The following KIF2A variants were observed in gnomAD, a reference collection of about 807,000 sequenced individuals.
KIF2A encodes kinesin family member 2A.
A neutral mutation model predicts 100.2 loss-of-function variants in KIF2A; 22 were observed. That is an observed-to-expected ratio of 0.22 (90% CI 0.16 to 0.31). The LOEUF (loss-of-function observed/expected upper bound fraction) is 0.31. Ranked by LOEUF, KIF2A falls within the 10% of genes least tolerant of loss-of-function variation. The pLI is 1.00. For missense variants in KIF2A, 495 were observed against 898.7 expected, an observed-to-expected ratio of 0.55 and a Z score of 5.74; for synonymous variants, 268 against 285.9, an observed-to-expected ratio of 0.94 and a Z score of 0.63.
At chr5:62,371,200 G>T (rs1741310099) in intron 16 of KIF2A, among the ~76,000 whole-genome samples, 1 of 152,116 alleles carries the variant, frequency 6.6e-6, no homozygotes, top group African/African-American at 2.4e-5. Flanking sequence ...GCTGCAATGA[G>T]CCATGACTGA....
At chr5:62,330,804 A>G (rs1486087248) in intron 1 of KIF2A, among the ~76,000 whole-genome samples, 3 of 152,160 alleles carry the variant, frequency 2.0e-5, no homozygotes, top group South Asian at 4.1e-4. Context: ...TAGACACACT[A>G]TATATTTTAA....
intron 1 of KIF2A, among the ~76,000 whole-genome samples, chr5:62,312,802 T>C (rs1206413849): frequency 6.6e-6 from 1 of 152,172 alleles, no homozygotes; most frequent in African/African-American, 2.4e-5. Context: ...AGGCTGAGCA[T>C]GGTAGTTCAT....
chr5:62,353,231 T>TA, intron 5 of KIF2A, 44 bp from the exon 6 acceptor site: 1 of 1,196,648 alleles, frequency 8.4e-7, no homozygotes. Flanking sequence ...ATTAGTACTC[T>TA]AAAAAAGAAA....
In KIF2A at chr5:62,310,070, CT is replaced by C. The variant is rs5868308; in HGVS notation, c.64+3551del. Among the ~76,000 whole-genome samples, 861 of 142,776 alleles carry C rather than the reference CT, an allele frequency of 6.0e-3. 4 individuals carry two copies. The highest frequency in any genetic ancestry group is 0.011 in the Middle Eastern group (3 of 262). The allele number at this position is 142,776 out of a possible 152,430, so 93.7% of individuals were successfully genotyped here. ...TGGGACTTACTAATAACTAATAATT[CT>C]TTTTTTTTTTTTTTTTGAGACAGAG... On this transcript the variant is annotated intron_variant, in intron 1 of 20. Coordinates refer to ENST00000407818, the MANE Select transcript of KIF2A (RefSeq NM_001098511.3).
At chr5:62,341,453 A>C (rs1747286913) in intron 1 of KIF2A, among the ~76,000 whole-genome samples, 1 of 150,554 alleles carries the variant, frequency 6.6e-6, no homozygotes, top group Non-Finnish European at 1.5e-5. Flanking sequence ...GGTGGACACC[A>C]CCATGCCCTG....
chr5:62,348,402 T>C (rs553818858), intron 3 of KIF2A, among the ~76,000 whole-genome samples: 1 of 152,334 alleles, frequency 6.6e-6, no homozygotes. Flanking sequence ...AATTAGTATT[T>C]TTCCTGAGAC....
intron 1 of KIF2A, among the ~76,000 whole-genome samples, chr5:62,327,634 A>C (rs1240964695): frequency 6.6e-6 from 1 of 152,242 alleles, no homozygotes; most frequent in Non-Finnish European, 1.5e-5. Flanking sequence ...ATGGAGCTTC[A>C]GTGATCTCAT....
In KIF2A at chr5:62,389,673, C is replaced by CA. The variant is rs1742208474; in HGVS notation, c.*4106dup. 2.0e-5 allele frequency among the ~76,000 whole-genome samples: 3 copies of CA among 152,044 alleles called. No homozygotes were observed. The highest frequency in any genetic ancestry group is 7.3e-5 in the African/African-American group (3 of 41,374). ...TGGCATTTGTTTCAAGGTAACTGAA[C>CA]AAGAAGCTGTTTGGAATTGGCAGAA... On this transcript the variant is annotated 3_prime_UTR_variant, in exon 21 of 21. Transcript: ENST00000407818.
At chr5:62,364,393 A>C (rs1580080473) in intron 14 of KIF2A, among the ~76,000 whole-genome samples, 1 of 151,878 alleles carries the variant, frequency 6.6e-6, no homozygotes, top group African/African-American at 2.4e-5. Context: ...TGATCTACCC[A>C]CCTCAGCCTT....
rs200992864 is a variant in KIF2A at position 62,385,906 on chromosome 5, AT to A, written c.*340del. The stretch of plus-strand genomic sequence containing the variant: ...CCAGATAGTAGGGGGAAGCCACAGC[AT>A]TTCCTTTTAACTCAGTTCAATTTTT... On this transcript the variant is annotated 3_prime_UTR_variant, in exon 21 of 21. Coordinates refer to ENST00000407818, the MANE Select transcript of KIF2A (RefSeq NM_001098511.3). The A allele has an allele frequency of 9.6e-3, 2,597 of 270,060 alleles. 20 individuals carry two copies. Among genetic ancestry groups the A allele is most frequent in the South Asian group, 0.013 (239 of 18,740 alleles). 16.7% of individuals were successfully genotyped at this position (270,060 alleles called of 1,614,324 possible).
chr5:62,383,229 ATTTTTTTTTT>A lies in KIF2A; in HGVS notation c.2149+1998_2149+2007del, dbSNP rs70977902. Among the ~76,000 whole-genome samples the A allele has an allele frequency of 2.8e-4, 11 of 39,100 alleles. No individual in the cohort carries two copies. The East Asian group carries it at 4.5e-3, about 16-fold the overall frequency. 25.7% of individuals were successfully genotyped at this position (39,100 alleles called of 152,430 possible). A position where few individuals can be genotyped will look rare whatever the true frequency, so the allele number is the denominator to read the frequency against. ...GGCATGAGCCACCATGCCTGGCCAGATTTTTTTTTTTTTTTTTTTTTTTTTTTTTTTGAGA... is the reference window on the plus strand; with the variant it reads ...GGCATGAGCCACCATGCCTGGCCAGATTTTTTTTTTTTTTTTTTTTTGAGA... On this transcript the variant is annotated intron_variant, in intron 20 of 20. Coordinates refer to ENST00000407818, the MANE Select transcript of KIF2A (RefSeq NM_001098511.3).
intron 16 of KIF2A, among the ~76,000 whole-genome samples, chr5:62,370,886 G>T (rs1281352477): frequency 1.3e-5 from 2 of 152,150 alleles, no homozygotes; most frequent in Admixed American, 1.3e-4. Context: ...AGGAAAAAAT[G>T]TGTGGATGAA....
chr5:62,373,222 A>G (rs1741394289), intron 17 of KIF2A, among the ~76,000 whole-genome samples: 1 of 152,074 alleles, frequency 6.6e-6, no homozygotes, highest in Non-Finnish European at 1.5e-5. Flanking sequence ...TTAATTGAGC[A>G]TGATAACTAC....
chr5:62,353,095 A>C (rs975294705), intron 5 of KIF2A, 180 bp from the exon 6 acceptor site: 7 of 490,262 alleles, frequency 1.4e-5, no homozygotes, highest in Non-Finnish European at 2.5e-5. Context: ...TCATCTGTAC[A>C]TTGTCCTATT....
At chr5:62,378,074 A>G (rs1382092995) in intron 19 of KIF2A, among the ~76,000 whole-genome samples, 1 of 152,166 alleles carries the variant, frequency 6.6e-6, no homozygotes, top group African/African-American at 2.4e-5. Context: ...TGTTAGGCCA[A>G]TGTATTTGAT....
intron 1 of KIF2A, among the ~76,000 whole-genome samples, chr5:62,327,818 T>C (rs1324667257): frequency 1.3e-5 from 2 of 152,152 alleles, no homozygotes; most frequent in African/African-American, 4.8e-5. Flanking sequence ...TTCCTGTACG[T>C]AGAGTGGAGC....
At chr5:62,348,939 A>T (rs1379274677) in intron 3 of KIF2A, among the ~76,000 whole-genome samples, 1 of 152,196 alleles carries the variant, frequency 6.6e-6, no homozygotes, top group Non-Finnish European at 1.5e-5. Context: ...TAGGAACTTG[A>T]TATCTTTCAG....
rs1428673893 is a variant in KIF2A at position 62,366,485 on chromosome 5, T to C, written c.1646+4T>C. ...ATACATTAAGATATGCAAATAGGTA[T>C]GAGAGATAGTTCTCCATTTTGAAAT... On this transcript the variant is annotated splice_donor_region_variant and intron_variant, in intron 16 of 20. Coordinates refer to ENST00000407818, the MANE Select transcript of KIF2A (RefSeq NM_001098511.3). The C allele has an allele frequency of 5.3e-6, 8 of 1,510,418 alleles. No homozygotes were observed. Among genetic ancestry groups the C allele is most frequent in the Admixed American group, 1.8e-5 (1 of 54,642 alleles). The allele number at this position is 1,510,418 out of a possible 1,614,324, so 93.6% of individuals were successfully genotyped here.
At chr5:62,348,276 T>C in intron 3 of KIF2A, 109 bp downstream of exon 3, 1 of 1,161,722 alleles carries the variant, frequency 8.6e-7, no homozygotes, top group Non-Finnish European at 1.2e-6. Context: ...AAGAATTGAT[T>C]AATTTGCTTT....
Sources: allele counts gnomAD v4.1 joint callset (sites outside exome capture counted in the v4.1 genomes callset), GRCh38; gene constraint gnomAD v4.1.1; transcripts MANE v1.5; gene names NCBI Gene and HGNC (gene_info 2026-07-23, HGNC 2026-07-21).